The following IFFO2 variants were observed in gnomAD, a reference collection of about 807,000 sequenced individuals.
The protein encoded by IFFO2 is intermediate filament family orphan 2.
IFFO2 carries 19 observed loss-of-function variants against 53.5 expected under a neutral mutation model. The ratio of observed to expected loss-of-function variants is 0.36; its 90% CI spans 0.25 to 0.52. The LOEUF (loss-of-function observed/expected upper bound fraction) is 0.52, where lower values mean the gene tolerates loss of function less well. Among genes scored for constraint, IFFO2 ranks in the 20% least tolerant of loss-of-function variants. IFFO2 has a pLI of 0.94. For synonymous variants in IFFO2, 303 were observed against 313.6 expected, an observed-to-expected ratio of 0.97 and a Z score of 0.36; for missense variants, 570 against 727.4, an observed-to-expected ratio of 0.78 and a Z score of 2.49.
chr1:18,929,102 G>A (rs1339790776), intron 1 of IFFO2, among the ~76,000 whole-genome samples: 2 of 152,224 alleles, frequency 1.3e-5, no homozygotes, highest in African/African-American at 4.8e-5. Flanking sequence ...GTCAAAGGTT[G>A]TAGGCAATTC....
chr1:18,937,437 T>G (rs1209718439), intron 1 of IFFO2, among the ~76,000 whole-genome samples: 1 of 152,168 alleles, frequency 6.6e-6, no homozygotes, highest in Non-Finnish European at 1.5e-5. Flanking sequence ...GCCCTGGCAT[T>G]CCACCTGATG....
chr1:18,920,250 T>G (rs577080589), intron 2 of IFFO2, among the ~76,000 whole-genome samples: 54 of 152,312 alleles, frequency 3.5e-4, no homozygotes, highest in Admixed American at 1.3e-3. Context: ...GGCTTTTCTA[T>G]AGTTTCCACA....
At chr1:18,927,345 A>C (rs1936318383) in intron 1 of IFFO2, among the ~76,000 whole-genome samples, 1 of 139,390 alleles carries the variant, frequency 7.2e-6, no homozygotes, top group Non-Finnish European at 1.6e-5. Flanking sequence ...GCTGGGCTGG[A>C]GCCCTCAGTG....
intron 5 of IFFO2, among the ~76,000 whole-genome samples, chr1:18,913,030 C>T (rs145509299): frequency 1.0e-3 from 157 of 152,356 alleles, no homozygotes; most frequent in African/African-American, 3.5e-3. Context: ...CTCAGTGCAT[C>T]GGTAGCACAG....
At chr1:18,940,667 A>G (rs914206095) in intron 1 of IFFO2, among the ~76,000 whole-genome samples, 20 of 152,152 alleles carry the variant, frequency 1.3e-4, no homozygotes, top group African/African-American at 4.6e-4. Context: ...ATCCTGGCAA[A>G]GAAGAGCAGA....
At position 18,919,211 on chromosome 1, in the gene IFFO2, G is replaced by C. The variant is rs187525500; in HGVS notation, c.822+467C>G. Among the ~76,000 whole-genome samples, 1 of 152,186 alleles carries C rather than the reference G, an allele frequency of 6.6e-6. No homozygotes were observed. The highest frequency in any genetic ancestry group is 2.4e-5 in the African/African-American group (1 of 41,446). ...CAGATACTTAGAGGGGCCCCAGATT[G>C]TCAAAAAGACACGCGCACTGGCCTT... On this transcript the variant is annotated intron_variant, in intron 3 of 8. Transcript: ENST00000455833. The surrounding 1 kb of genome is among the most constrained non-coding windows in gnomAD (Gnocchi z 4.9).
In IFFO2 at chr1:18,936,341, T is replaced by C. The variant is rs1936446879; in HGVS notation, c.666-15220A>G. Reference sequence around the variant, plus strand: ...ATGGGAAAGTTGGTGTCCACGGCTCTCCATCCCTGGGACATTGTCTTTCTG... The same window carrying C: ...ATGGGAAAGTTGGTGTCCACGGCTCCCCATCCCTGGGACATTGTCTTTCTG... On this transcript the variant is annotated intron_variant, in intron 1 of 8. Coordinates refer to ENST00000455833, the MANE Select transcript of IFFO2 (RefSeq NM_001136265.2). The surrounding 1 kb of genome is among the most constrained non-coding windows in gnomAD (Gnocchi z 4.5). 6.6e-6 allele frequency among the ~76,000 whole-genome samples: 1 copy of C among 152,190 alleles called. No individual in the cohort carries two copies. Among genetic ancestry groups the C allele is most frequent in the Admixed American group, 6.5e-5 (1 of 15,278 alleles).
At chr1:18,926,213 C>T (rs548086370) in intron 1 of IFFO2, among the ~76,000 whole-genome samples, 1 of 152,290 alleles carries the variant, frequency 6.6e-6, no homozygotes, top group South Asian at 2.1e-4. Context: ...GAACTCCTTT[C>T]CCCCAGAGCA....
intron 1 of IFFO2, among the ~76,000 whole-genome samples, chr1:18,938,901 A>G (rs1936485633): frequency 6.6e-6 from 1 of 152,230 alleles, no homozygotes; most frequent in Non-Finnish European, 1.5e-5. Context: ...GGTATCTGTC[A>G]GGCCAGATGG....
intron 1 of IFFO2, among the ~76,000 whole-genome samples, chr1:18,938,634 C>T (rs1032567722): frequency 1.3e-5 from 2 of 152,198 alleles, no homozygotes; most frequent in African/African-American, 4.8e-5. Flanking sequence ...GCCTTGAGCC[C>T]ATCCCTGCAC....
chr1:18,948,402 ACGT>A (rs1195306152), intron 1 of IFFO2, among the ~76,000 whole-genome samples: 1 of 152,230 alleles, frequency 6.6e-6, no homozygotes, highest in Non-Finnish European at 1.5e-5. Context: ...CCCCATTCCC[ACGT>A]GGGCATAGTG....
intron 1 of IFFO2, among the ~76,000 whole-genome samples, chr1:18,935,700 CTT>C (rs71763185): frequency 0.12 from 16,252 of 139,140 alleles, 1,000 homozygotes; most frequent in Admixed American, 0.16. Flanking sequence ...CTCCTTCTGT[CTT>C]TTTTTTTTTT....
At chr1:18,931,919 C>A (rs1936380896) in intron 1 of IFFO2, among the ~76,000 whole-genome samples, 1 of 152,242 alleles carries the variant, frequency 6.6e-6, no homozygotes, top group Non-Finnish European at 1.5e-5. Flanking sequence ...CACATGGGGT[C>A]ACAGTCACTG....
At chr1:18,925,808 TTGGATGGATGGATGGATGGATGGATGGA>T (rs61077772) in intron 1 of IFFO2, among the ~76,000 whole-genome samples, 1 of 49,688 alleles carries the variant, frequency 2.0e-5, no homozygotes, top group African/African-American at 8.6e-5. Context: ...GATGGATTGG[TTGGATGGATGGATGGATGGATGGATGGA>T]TGGATGGATG....
At position 18,906,739 on chromosome 1, in the gene IFFO2, T is replaced by C. The variant is rs1935954541; in HGVS notation, c.*1822A>G. The stretch of plus-strand genomic sequence containing the variant: ...CCTCCAAGTACCTGTCAAAGGGAAC[T>C]GTTTGGCTAACAAGAGATGCTGACT... On this transcript the variant is annotated 3_prime_UTR_variant, in exon 9 of 9. Coordinates refer to ENST00000455833, the MANE Select transcript of IFFO2 (RefSeq NM_001136265.2). 1 of 152,232 alleles carries C rather than the reference T, an allele frequency of 6.6e-6. No homozygotes were observed. 9.4% of individuals were successfully genotyped at this position (152,232 alleles called of 1,614,324 possible).
At chr1:18,941,234 C>T (rs1239977695) in intron 1 of IFFO2, among the ~76,000 whole-genome samples, 3 of 152,316 alleles carry the variant, frequency 2.0e-5, no homozygotes, top group Admixed American at 6.5e-5. Flanking sequence ...AGCAAGATGG[C>T]GATAGAATTA....
intron 1 of IFFO2, among the ~76,000 whole-genome samples, chr1:18,939,333 G>A (rs540255096): frequency 5.9e-5 from 9 of 152,284 alleles, no homozygotes; most frequent in Admixed American, 2.6e-4. Context: ...AGAGGCCACC[G>A]GCCACCTTTA....
intron 1 of IFFO2, among the ~76,000 whole-genome samples, chr1:18,945,533 A>T (rs966936085): frequency 6.6e-6 from 1 of 152,226 alleles, no homozygotes; most frequent in African/African-American, 2.4e-5. Context: ...AAAGATAGCC[A>T]ATTAAGAGGG....
chr1:18,917,082 C>A lies in IFFO2; in HGVS notation c.964-40G>T, dbSNP rs779783130. The A allele has an allele frequency of 3.9e-6, 6 of 1,548,806 alleles. No homozygotes were observed. The Admixed American group carries it at 1.2e-4, about 30-fold the overall frequency. On this transcript the variant is annotated intron_variant, in intron 4 of 8. Transcript: ENST00000455833. This position sits in a 1 kb window ranked among gnomAD's most constrained non-coding sequence, Gnocchi z 5.9. ...AAGCAATCAAGGTAACTGGGGGGCT[C>A]GGCTAGGATGGAAGGTAGGGGTGAA...
Sources: allele counts gnomAD v4.1 joint callset (sites outside exome capture counted in the v4.1 genomes callset), GRCh38; gene constraint gnomAD v4.1.1; non-coding constraint Gnocchi (gnomAD v3.1); transcripts MANE v1.5; gene names NCBI Gene and HGNC (gene_info 2026-07-23, HGNC 2026-07-21).